Variants in TMEM38B observed in about 807,000 individuals in gnomAD.
TMEM38B encodes the protein transmembrane protein 38B, also known as trimeric intracellular cation channel type B.
In TMEM38B, 24 loss-of-function variants were observed where a neutral mutation model predicts 28.7. The observed-to-expected ratio is 0.84, with a 90% confidence interval of 0.61 to 1.18. The LOEUF (loss-of-function observed/expected upper bound fraction) is 1.18. TMEM38B is among the 50% of genes most tolerant of loss of function. The probability of loss-of-function intolerance (pLI) is 0.00; values close to 1 mark genes in which losing one functional copy is unlikely to be tolerated. For missense variants in TMEM38B, 380 were observed against 350.9 expected, an observed-to-expected ratio of 1.08 and a Z score of -0.66; for synonymous variants, 131 against 127.7, an observed-to-expected ratio of 1.03 and a Z score of -0.17.
chr9:105,720,654 G>A (rs1439280490), intron 2 of TMEM38B, among the ~76,000 whole-genome samples: 5 of 151,970 alleles, frequency 3.3e-5, no homozygotes, highest in East Asian at 3.9e-4. Context: ...TTTATAAATC[G>A]TGAATTGCAA....
intron 4 of TMEM38B, among the ~76,000 whole-genome samples, chr9:105,728,666 T>C (rs1836616525): frequency 6.6e-6 from 1 of 152,194 alleles, no homozygotes; most frequent in Non-Finnish European, 1.5e-5. Context: ...ATCACCACTG[T>C]CTTCCACAAT....
rs778721419 is a variant in TMEM38B, at chr9:105,694,612, G to C, written c.-49G>C. 2 of 1,532,750 alleles carry C rather than the reference G, an allele frequency of 1.3e-6. No individual in the cohort carries two copies. The highest frequency in any genetic ancestry group is 2.3e-5 in the East Asian group (1 of 44,194). 94.9% of individuals were successfully genotyped at this position (1,532,750 alleles called of 1,614,324 possible). ...CTCCTACTCCTCACCGCGCGAGCGC[G>C]GGGAACCAGTAGCCGCGGCTGCTTC... is the stretch of plus-strand genomic sequence containing the variant. On this transcript the variant is annotated 5_prime_UTR_variant, in exon 1 of 6. Coordinates refer to ENST00000374692, the MANE Select transcript of TMEM38B (RefSeq NM_018112.3).
At chr9:105,718,241 GTT>G (rs367698929) in intron 2 of TMEM38B, among the ~76,000 whole-genome samples, 6 of 141,458 alleles carry the variant, frequency 4.2e-5, no homozygotes, top group Admixed American at 7.1e-5. Context: ...TTCATTTGAG[GTT>G]TTTTTTTTTT....
At chr9:105,759,004 A>G (rs986023653) in intron 5 of TMEM38B, 3 of 984,486 alleles carry the variant, frequency 3.0e-6, no homozygotes, top group East Asian at 4.8e-5. Context: ...AACATGGCCA[A>G]TACAAGTAAA....
intron 2 of TMEM38B, among the ~76,000 whole-genome samples, chr9:105,709,852 T>A (rs1171742476): frequency 6.6e-6 from 1 of 152,218 alleles, no homozygotes; most frequent in Non-Finnish European, 1.5e-5. Flanking sequence ...AACTTTTATA[T>A]TGGACCATAA....
At chr9:105,718,119 C>G (rs1232280412) in intron 2 of TMEM38B, among the ~76,000 whole-genome samples, 1 of 152,032 alleles carries the variant, frequency 6.6e-6, no homozygotes, top group African/African-American at 2.4e-5. Context: ...GGAATGTTAC[C>G]TTTGTCTTCA....
chr9:105,731,996 A>G (rs1041779181), intron 4 of TMEM38B, among the ~76,000 whole-genome samples: 1 of 152,118 alleles, frequency 6.6e-6, no homozygotes, highest in Non-Finnish European at 1.5e-5. Context: ...AATGATCACC[A>G]TTCTAACTGG....
intron 5 of TMEM38B, among the ~76,000 whole-genome samples, chr9:105,754,496 A>G (rs1837765914): frequency 6.6e-6 from 1 of 152,214 alleles, no homozygotes; most frequent in Non-Finnish European, 1.5e-5. Context: ...AGACAACTTC[A>G]TGGAAATTGA....
At chr9:105,735,735 T>C (rs1210000003) in intron 4 of TMEM38B, among the ~76,000 whole-genome samples, 1 of 152,222 alleles carries the variant, frequency 6.6e-6, no homozygotes, top group Admixed American at 6.5e-5. Context: ...CTTTTACTTT[T>C]GACAGTTTGG....
intron 2 of TMEM38B, among the ~76,000 whole-genome samples, chr9:105,717,595 T>C (rs1252847581): frequency 1.3e-5 from 2 of 152,126 alleles, no homozygotes; most frequent in African/African-American, 4.8e-5. Flanking sequence ...AAAATACATA[T>C]GATTCTATTT....
At chr9:105,745,141 T>C (rs1837341754) in intron 4 of TMEM38B, among the ~76,000 whole-genome samples, 1 of 152,212 alleles carries the variant, frequency 6.6e-6, no homozygotes, top group Admixed American at 6.5e-5. Flanking sequence ...TTTCTAGTTC[T>C]AGATCCCTGA....
chr9:105,720,419 T>C (rs2133575394), intron 2 of TMEM38B, among the ~76,000 whole-genome samples: 1 of 152,192 alleles, frequency 6.6e-6, no homozygotes, highest in African/African-American at 2.4e-5. Flanking sequence ...TACAGAGCCA[T>C]CAGAATGTAG....
intron 5 of TMEM38B, among the ~76,000 whole-genome samples, chr9:105,757,468 C>A (rs906767051): frequency 2.0e-5 from 3 of 152,104 alleles, no homozygotes; most frequent in African/African-American, 7.2e-5. Context: ...ACTTTTAGTT[C>A]TTTGAAGAAT....
At chr9:105,759,907 G>A in intron 5 of TMEM38B, 11 of 1,594,826 alleles carry the variant, frequency 6.9e-6, no homozygotes, top group Non-Finnish European at 9.4e-6. Flanking sequence ...ACCAGTGGCT[G>A]AAATGATCAT....
intron 4 of TMEM38B, among the ~76,000 whole-genome samples, chr9:105,726,844 T>G (rs1836536225): frequency 6.6e-6 from 1 of 152,128 alleles, no homozygotes; most frequent in Non-Finnish European, 1.5e-5. Flanking sequence ...TTTTATTATT[T>G]ATTGTTTCCT....
chr9:105,763,340 A>G (rs545568898), intron 5 of TMEM38B, among the ~76,000 whole-genome samples: 5 of 152,294 alleles, frequency 3.3e-5, no homozygotes, highest in South Asian at 4.1e-4. Context: ...GCCCATGCCT[A>G]TGTCCTGAAT....
chr9:105,746,605 C>T (rs1588448896), intron 4 of TMEM38B, among the ~76,000 whole-genome samples: 1 of 152,222 alleles, frequency 6.6e-6, no homozygotes, highest in African/African-American at 2.4e-5. Flanking sequence ...CCAGAACTTC[C>T]AACACTATGT....
chr9:105,754,297 C>A (rs983107497), intron 5 of TMEM38B, among the ~76,000 whole-genome samples: 4 of 152,158 alleles, frequency 2.6e-5, no homozygotes, highest in Admixed American at 2.6e-4. Flanking sequence ...TGATAGATAT[C>A]TACGGAACTC....
Position 105,767,584 on chromosome 9 carries a change from T to G in TMEM38B, c.661-6281T>G, listed in dbSNP as rs556088104. Among the ~76,000 whole-genome samples the G allele has an allele frequency of 3.3e-5, 5 of 152,294 alleles. No homozygotes were observed. In the South Asian group the frequency reaches 1.0e-3, roughly 32 times the overall value. On this transcript the variant is annotated intron_variant, in intron 5 of 5. Transcript: ENST00000374692. ...TTGATCTCTGAACATGGTATGTTTC[T>G]CCAGTTATTTAGGCCTTTAAATTTT...
Sources: allele counts gnomAD v4.1 joint callset (sites outside exome capture counted in the v4.1 genomes callset), GRCh38; gene constraint gnomAD v4.1.1; transcripts MANE v1.5; gene names NCBI Gene and HGNC (gene_info 2026-07-23, HGNC 2026-07-21).